Variants in ARMC8 observed in about 807,000 individuals in gnomAD.
The protein encoded by ARMC8 is armadillo repeat containing 8, also known as armadillo repeat-containing protein 8.
A neutral mutation model predicts 99.3 loss-of-function variants in ARMC8; 20 were observed. The observed-to-expected ratio is 0.20, with a 90% CI of 0.14 to 0.29. The LOEUF is 0.29. Ranked by LOEUF, ARMC8 falls within the 10% of genes least tolerant of loss-of-function variation. The pLI is 1.00. For missense variants in ARMC8, 569 were observed against 809.5 expected (o/e 0.70, Z 3.60); for synonymous variants, 263 against 278.3 (o/e 0.95, Z 0.55).
chr3:138,284,482 A>G lies in ARMC8; in HGVS notation c.1777A>G (p.Ile593Val), dbSNP rs762260668. ...GGATGGGACAACAGCAAAAGATCTT[A>G]TTATGACCAATGATGATATCCTACA... is the stretch of plus-strand genomic sequence containing the variant. ...IADGTTAKDL[I>V]MTNDDILQKI... The change falls in exon 19 of 22, where the codon ATT (isoleucine) becomes GTT (valine). Residue 593 changes from isoleucine (I) to valine (V), a missense_variant. By Grantham distance (29) the Ile-to-Val change is conservative (BLOSUM62 3). This residue lies in a region of ARMC8 where 227 missense variants were observed against 417.9 expected (regional missense o/e 0.54). Transcript: ENST00000469044. 6 of 1,613,806 alleles carry G rather than the reference A, an allele frequency of 3.7e-6. No individual in the cohort carries two copies. In the South Asian group the frequency reaches 6.6e-5, roughly 18 times the overall value.
chr3:138,263,833 A>C lies in ARMC8; in HGVS notation c.1217+12A>C. 3 of 1,611,632 alleles carry C rather than the reference A, an allele frequency of 1.9e-6. No individual in the cohort carries two copies. The highest frequency in any genetic ancestry group is 2.2e-5 in the South Asian group (2 of 91,024). ...TTAGCTGCCGTCAGGTATGAGCTTT[A>C]AATGGTCTGAATAAAAACCTTTTGC... On this transcript the variant is annotated intron_variant, in intron 13 of 21. Coordinates refer to ENST00000469044, the MANE Select transcript of ARMC8 (RefSeq NM_001363941.2).
intron 12 of ARMC8, 169 bp downstream of exon 12, chr3:138,245,352 T>G (rs1366361729): frequency 1.0e-5 from 15 of 1,465,582 alleles, no homozygotes; most frequent in South Asian, 1.5e-5. Flanking sequence ...TGGGGGGTTG[T>G]TTGTTTGTTT....
At chr3:138,226,855 G>T (rs2045724135) in intron 5 of ARMC8, among the ~76,000 whole-genome samples, 1 of 152,116 alleles carries the variant, frequency 6.6e-6, no homozygotes, top group Non-Finnish European at 1.5e-5. Flanking sequence ...TGAGACCCCT[G>T]GAGGTTAAAT....
At chr3:138,230,153 A>T (rs934571007) in intron 6 of ARMC8, among the ~76,000 whole-genome samples, 1 of 152,236 alleles carries the variant, frequency 6.6e-6, no homozygotes, top group East Asian at 1.9e-4. Flanking sequence ...GGGCCAACTC[A>T]TAGGAGCAGA....
At chr3:138,212,770 A>G (rs1412485063) in intron 2 of ARMC8, among the ~76,000 whole-genome samples, 1 of 152,232 alleles carries the variant, frequency 6.6e-6, no homozygotes, top group Non-Finnish European at 1.5e-5. Context: ...ATAGGTAGGT[A>G]GAAAGATGGC....
At chr3:138,225,619 T>A (rs752314108) in intron 5 of ARMC8, among the ~76,000 whole-genome samples, 21 of 152,206 alleles carry the variant, frequency 1.4e-4, no homozygotes, top group Non-Finnish European at 1.8e-4. Flanking sequence ...TGTGAAAGAA[T>A]CCTGAGACAA....
At chr3:138,207,241 C>T (rs1242673040) in intron 1 of ARMC8, among the ~76,000 whole-genome samples, 1 of 152,204 alleles carries the variant, frequency 6.6e-6, no homozygotes, top group Non-Finnish European at 1.5e-5. Context: ...TACAAATGTC[C>T]TCCTCAGTGC....
intron 12 of ARMC8, among the ~76,000 whole-genome samples, chr3:138,250,984 C>CA (rs144439799): frequency 3.3e-5 from 5 of 150,178 alleles, no homozygotes; most frequent in Non-Finnish European, 5.9e-5. Context: ...TCCGTCTCTA[C>CA]AAAAAAAAAT....
chr3:138,217,772 T>C (rs1035234020), intron 2 of ARMC8, among the ~76,000 whole-genome samples: 5 of 152,220 alleles, frequency 3.3e-5, no homozygotes, highest in African/African-American at 1.2e-4. Context: ...TACTTATTCT[T>C]ATCTCACCTC....
At chr3:138,279,293 T>C (rs1027074684) in intron 18 of ARMC8, among the ~76,000 whole-genome samples, 1 of 152,336 alleles carries the variant, frequency 6.6e-6, no homozygotes. Context: ...AATCAATTAC[T>C]TTCTTTTGCA....
intron 12 of ARMC8, among the ~76,000 whole-genome samples, chr3:138,255,494 G>A (rs1012440900): frequency 4.0e-5 from 6 of 151,826 alleles, no homozygotes; most frequent in African/African-American, 1.2e-4. Context: ...GAGCCACCGC[G>A]CAGGGCCAAC....
intron 6 of ARMC8, among the ~76,000 whole-genome samples, chr3:138,234,617 A>G (rs1441585191): frequency 6.6e-6 from 1 of 152,242 alleles, no homozygotes; most frequent in Non-Finnish European, 1.5e-5. Flanking sequence ...TCTAAGTTGT[A>G]ACAATGACTC....
intron 12 of ARMC8, among the ~76,000 whole-genome samples, chr3:138,259,814 A>G (rs978433703): frequency 6.6e-6 from 1 of 152,226 alleles, no homozygotes; most frequent in South Asian, 2.1e-4. Flanking sequence ...GCGCAAAGCT[A>G]CACTCTTAAT....
chr3:138,262,564 C>G, intron 12 of ARMC8: 1 of 1,611,832 alleles, frequency 6.2e-7, no homozygotes, highest in Non-Finnish European at 8.5e-7. Context: ...TGATCTTCAA[C>G]CTTGGCTGTG....
At chr3:138,272,630 A>C (rs186096027) in intron 16 of ARMC8, among the ~76,000 whole-genome samples, 1 of 152,350 alleles carries the variant, frequency 6.6e-6, no homozygotes, top group Non-Finnish European at 1.5e-5. Context: ...TAATCTCAGC[A>C]CTTTGGAAGG....
chr3:138,275,403 C>T (rs565064813), intron 18 of ARMC8, among the ~76,000 whole-genome samples: 202 of 152,154 alleles, frequency 1.3e-3, no homozygotes, highest in African/African-American at 4.5e-3. Flanking sequence ...TAAAAAAATA[C>T]AAAAAATTAG....
chr3:138,194,016 CTT>C (rs2043546464), intron 1 of ARMC8, among the ~76,000 whole-genome samples: 1 of 149,792 alleles, frequency 6.7e-6, no homozygotes, highest in African/African-American at 2.4e-5. Context: ...TAATTGTCTT[CTT>C]TACAGTCCTT....
At chr3:138,226,665 T>G (rs1027145597) in intron 5 of ARMC8, among the ~76,000 whole-genome samples, 1 of 152,178 alleles carries the variant, frequency 6.6e-6, no homozygotes, top group Admixed American at 6.5e-5. Context: ...GTCACCTGTC[T>G]TTTTTACCCT....
chr3:138,229,180 ATATGTATATG>A (rs1344306744), intron 6 of ARMC8, 170 bp downstream of exon 6: 37 of 29,478 alleles, frequency 1.3e-3, no homozygotes, highest in African/African-American at 3.6e-3. Flanking sequence ...ATATATATAT[ATATGTATATG>A]TATATGTATA....
Sources: gnomAD v4.1 joint callset for allele counts (sites outside exome capture counted in the v4.1 genomes callset) on GRCh38, gnomAD v4.1.1 for gene constraint, gnomAD v4.1.1 regional missense constraint, MANE v1.5 for transcripts, NCBI Gene and HGNC (gene_info 2026-07-23, HGNC 2026-07-21) for gene names.